Variants in LRCH1 observed in about 807,000 individuals in gnomAD.
LRCH1 encodes leucine rich repeats and calponin homology domain containing 1, also known as leucine-rich repeat and calponin homology domain-containing protein 1.
Under a neutral mutation model 94.9 loss-of-function variants are expected in LRCH1, and 23 were observed. The ratio of observed to expected loss-of-function variants is 0.24; its 90% CI spans 0.17 to 0.34. The LOEUF (loss-of-function observed/expected upper bound fraction) is 0.34, where lower values mean the gene tolerates loss of function less well. Among genes scored for constraint, LRCH1 ranks in the 10% least tolerant of loss-of-function variants. LRCH1 has a pLI of 1.00. For synonymous variants in LRCH1, 364 were observed against 354.9 expected, an observed-to-expected ratio of 1.03 and a Z score of -0.29; for missense variants, 790 against 945.9, an observed-to-expected ratio of 0.84 and a Z score of 2.16.
At chr13:46,681,905 G>A in intron 4 of LRCH1, 59 bp downstream of exon 4, 2 of 1,103,016 alleles carry the variant, frequency 1.8e-6, no homozygotes, top group Non-Finnish European at 1.3e-6. Flanking sequence ...TTATGTTTTG[G>A]GGGGTTTACT....
At chr13:46,629,729 A>G (rs1331953983) in intron 1 of LRCH1, among the ~76,000 whole-genome samples, 1 of 152,206 alleles carries the variant, frequency 6.6e-6, no homozygotes, top group Non-Finnish European at 1.5e-5. Context: ...GCAGGTTGCT[A>G]TTATGTCGCA....
intron 1 of LRCH1, among the ~76,000 whole-genome samples, chr13:46,621,680 G>A (rs536156403): frequency 1.9e-4 from 29 of 152,234 alleles, no homozygotes; most frequent in African/African-American, 6.7e-4. Flanking sequence ...CTTTTACAGC[G>A]TTTGCAACTG....
At chr13:46,578,352 G>C (rs1196391445) in intron 1 of LRCH1, among the ~76,000 whole-genome samples, 1 of 152,208 alleles carries the variant, frequency 6.6e-6, no homozygotes, top group East Asian at 1.9e-4. Context: ...CTTGGGCTTG[G>C]GTGCCACCTT....
intron 8 of LRCH1, among the ~76,000 whole-genome samples, chr13:46,692,966 C>CTTTTTTTT (rs556715797): frequency 1.6e-5 from 2 of 128,206 alleles, no homozygotes; most frequent in South Asian, 2.5e-4. Flanking sequence ...AGATAAAATT[C>CTTTTTTTT]TTTTTTTTTT....
At chr13:46,733,705 G>A (rs1873227877) in intron 18 of LRCH1, among the ~76,000 whole-genome samples, 1 of 152,064 alleles carries the variant, frequency 6.6e-6, no homozygotes, top group Non-Finnish European at 1.5e-5. Flanking sequence ...TGAACACAGT[G>A]TCTGGAAGAA....
intron 3 of LRCH1, among the ~76,000 whole-genome samples, chr13:46,680,577 T>G: frequency 6.6e-6 from 1 of 152,114 alleles, no homozygotes; most frequent in Non-Finnish European, 1.5e-5. Context: ...GAGGACAATA[T>G]TGGGGACTGG....
At chr13:46,745,985 G>A (rs1873895421), downstream of LRCH1, among the ~76,000 whole-genome samples, 1 of 152,150 alleles carries the variant, frequency 6.6e-6, no homozygotes, top group African/African-American at 2.4e-5. Flanking sequence ...CATTGAAATT[G>A]ATGGGACTAG....
chr13:46,634,158 G>A (rs762218352), intron 1 of LRCH1, among the ~76,000 whole-genome samples: 29 of 152,178 alleles, frequency 1.9e-4, no homozygotes, highest in Non-Finnish European at 3.4e-4. Context: ...GATTACAGGC[G>A]TGAGCCACCG....
Position 46,711,698 on chromosome 13 carries a change from C to T in LRCH1, c.1528-93C>T, listed in dbSNP as rs1034058531. The T allele has an allele frequency of 6.4e-5, 55 of 865,608 alleles. No homozygotes were observed. The East Asian group carries it at 1.3e-3, about 21-fold the overall frequency. 53.6% of individuals were successfully genotyped at this position (865,608 alleles called of 1,614,324 possible). ...AGATATTCATTGTGCACCTATGGACCGGGGACATGATGGCAGTAAGAAAGA... is the reference window on the plus strand; with the variant it reads ...AGATATTCATTGTGCACCTATGGACTGGGGACATGATGGCAGTAAGAAAGA... On this transcript the variant is annotated intron_variant, in intron 13 of 19. Transcript: ENST00000389797.
At chr13:46,686,582 T>C (rs947444629) in intron 5 of LRCH1, among the ~76,000 whole-genome samples, 2 of 149,334 alleles carry the variant, frequency 1.3e-5, no homozygotes, top group African/African-American at 2.5e-5. Context: ...AGATTCAAAT[T>C]TGTAAGGCTC....
intron 1 of LRCH1, among the ~76,000 whole-genome samples, chr13:46,634,818 A>T (rs1386139961): frequency 6.6e-6 from 1 of 152,104 alleles, no homozygotes; most frequent in African/African-American, 2.4e-5. Context: ...ATGAGTGAGT[A>T]AGTGAGCCAA....
intron 14 of LRCH1, among the ~76,000 whole-genome samples, chr13:46,712,081 CAG>C (rs1872094004): frequency 6.6e-6 from 1 of 152,090 alleles, no homozygotes; most frequent in Non-Finnish European, 1.5e-5. Flanking sequence ...TACAAGAAAA[CAG>C]AATGAAGATC....
Position 46,728,073 on chromosome 13 carries a change from C to T in LRCH1, c.1870-774C>T, listed in dbSNP as rs542064092. 6.3e-4 allele frequency among the ~76,000 whole-genome samples: 96 copies of T among 151,896 alleles called. 1 individual carries two copies. Among genetic ancestry groups the T allele is most frequent in the African/African-American group, 2.2e-3 (93 of 41,400 alleles). On this transcript the variant is annotated intron_variant, in intron 17 of 19. Transcript: ENST00000389797. ...CTGGGACCGCAGGTACACATCACCA[C>T]GCCCAGCTAATTTTTTGTATTTTTG...
At chr13:46,651,380 C>T (rs971506351) in intron 2 of LRCH1, among the ~76,000 whole-genome samples, 1 of 152,110 alleles carries the variant, frequency 6.6e-6, no homozygotes, top group Non-Finnish European at 1.5e-5. Context: ...AAATGAGTTT[C>T]TGGCCGGGTG....
At chr13:46,730,154 G>A (rs1200260458) in intron 18 of LRCH1, among the ~76,000 whole-genome samples, 2 of 152,172 alleles carry the variant, frequency 1.3e-5, no homozygotes, top group Admixed American at 6.5e-5. Context: ...CTGTTTGTTA[G>A]GAGAGGCAGA....
At chr13:46,607,904 T>C (rs1056210350) in intron 1 of LRCH1, among the ~76,000 whole-genome samples, 4 of 152,152 alleles carry the variant, frequency 2.6e-5, no homozygotes, top group Admixed American at 2.6e-4. Flanking sequence ...GTGGGGCTGT[T>C]CATCTCTAAT....
At chr13:46,627,578 C>T (rs538565965) in intron 1 of LRCH1, among the ~76,000 whole-genome samples, 36 of 152,218 alleles carry the variant, frequency 2.4e-4, no homozygotes, top group African/African-American at 8.2e-4. Context: ...TGTTTTCCTG[C>T]TCTTTCCCTC....
chr13:46,735,809 TC>T lies in LRCH1; in HGVS notation c.2085+1812del, dbSNP rs1311585361. On this transcript the variant is annotated intron_variant, in intron 19 of 19. Transcript: ENST00000389797. ...TTTTCTTTTCTTTTTTTTTTTTTTT[TC>T]GAGATGGAGTCCCACTCTGTCACCT... 3.6e-5 allele frequency among the ~76,000 whole-genome samples: 5 copies of T among 137,670 alleles called. No individual in the cohort carries two copies. In the East Asian group the frequency reaches 6.5e-4, roughly 18 times the overall value. 90.3% of individuals were successfully genotyped at this position (137,670 alleles called of 152,430 possible). A position where few individuals can be genotyped will look rare whatever the true frequency, so the allele number is the denominator to read the frequency against.
At chr13:46,648,474 A>G (rs1278425714) in intron 1 of LRCH1, among the ~76,000 whole-genome samples, 3 of 152,178 alleles carry the variant, frequency 2.0e-5, no homozygotes, top group African/African-American at 4.8e-5. Flanking sequence ...ACACTGCTCT[A>G]TGATGTGTTT....
Sources: gnomAD v4.1 joint callset for allele counts (sites outside exome capture counted in the v4.1 genomes callset) on GRCh38, gnomAD v4.1.1 for gene constraint, MANE v1.5 for transcripts, NCBI Gene and HGNC (gene_info 2026-07-23, HGNC 2026-07-21) for gene names.